AGMO: variants seen among roughly 807,000 people sequenced by gnomAD.
The protein encoded by AGMO is glyceryl-ether monooxygenase.
Under a neutral mutation model 60.2 loss-of-function variants are expected in AGMO, and 75 were observed. That is an observed-to-expected ratio of 1.25 (90% CI 1.03 to 1.51). The LOEUF is 1.51. Ranked by LOEUF, AGMO falls within the 40% of genes most tolerant of loss-of-function variation. The pLI, the probability that AGMO is intolerant of heterozygous loss-of-function variation, is 0.00. For missense variants in AGMO, 763 were observed against 525.5 expected (o/e 1.45, Z -4.42); for synonymous variants, 261 against 177.1 (o/e 1.47, Z -3.76).
At position 15,220,208 on chromosome 7, in the gene AGMO, CTTTT is replaced by C. The variant is rs904364065; in HGVS notation, c.1264-18853_1264-18850del. 2.1e-3 allele frequency among the ~76,000 whole-genome samples: 233 copies of C among 109,510 alleles called. 4 individuals carry two copies. In the East Asian group the frequency reaches 0.047, roughly 22 times the overall value. The allele number at this position is 109,510 out of a possible 152,430, so 71.8% of individuals were successfully genotyped here. The stretch of plus-strand genomic sequence containing the variant: ...ATCTTATGTGTCCACCTGACTGTGC[CTTTT>C]TTTTTTTTTTTTTTTTTTTCCTGGA... On this transcript the variant is annotated intron_variant, in intron 12 of 12. Coordinates refer to ENST00000342526, the MANE Select transcript of AGMO (RefSeq NM_001004320.2).
intron 4 of AGMO, among the ~76,000 whole-genome samples, chr7:15,419,310 G>T (rs1481802393): frequency 6.6e-6 from 1 of 151,928 alleles, no homozygotes; most frequent in Non-Finnish European, 1.5e-5. Flanking sequence ...CACAGAACTG[G>T]TTAGAATTAA....
At chr7:15,321,459 T>C (rs974316865) in intron 12 of AGMO, among the ~76,000 whole-genome samples, 2 of 152,102 alleles carry the variant, frequency 1.3e-5, no homozygotes, top group Non-Finnish European at 2.9e-5. Context: ...CACCTTCAAA[T>C]AAGAACAGAT....
the AGMO span, among the ~76,000 whole-genome samples, chr7:15,195,313 A>G: frequency 2.0e-5 from 3 of 152,146 alleles, no homozygotes; most frequent in African/African-American, 7.2e-5. Context: ...AAGAGAAAAG[A>G]GAATAGCTTT....
intron 12 of AGMO, among the ~76,000 whole-genome samples, chr7:15,324,033 T>C (rs771155741): frequency 6.6e-6 from 1 of 152,186 alleles, no homozygotes; most frequent in Non-Finnish European, 1.5e-5. Context: ...TTTATGTAAT[T>C]GTTCTATATA....
At chr7:15,357,550 A>G (rs79077402) in intron 12 of AGMO, among the ~76,000 whole-genome samples, 5,568 of 152,262 alleles carry the variant, frequency 0.037, 127 homozygotes, top group South Asian at 0.067. Context: ...CTGGTCTGAT[A>G]ATTTGTTTGA....
chr7:15,144,456 A>G, the AGMO span, among the ~76,000 whole-genome samples: 1 of 152,236 alleles, frequency 6.6e-6, no homozygotes, highest in Admixed American at 6.5e-5. Context: ...GTTACCCAGA[A>G]AAGTATAAGA....
At chr7:15,381,831 C>G (rs1039740565) in intron 10 of AGMO, among the ~76,000 whole-genome samples, 3 of 152,160 alleles carry the variant, frequency 2.0e-5, no homozygotes, top group Non-Finnish European at 2.9e-5. Context: ...CCATGGAATA[C>G]TATGCAGCCA....
chr7:15,466,109 A>G (rs1382632024), intron 3 of AGMO, among the ~76,000 whole-genome samples: 1 of 152,178 alleles, frequency 6.6e-6, no homozygotes, highest in Non-Finnish European at 1.5e-5. Flanking sequence ...CCTACTCTCT[A>G]GCCACTGAGC....
At chr7:15,534,955 T>G (rs1406684328) in intron 3 of AGMO, among the ~76,000 whole-genome samples, 1 of 151,926 alleles carries the variant, frequency 6.6e-6, no homozygotes, top group Non-Finnish European at 1.5e-5. Flanking sequence ...TATGAATTCA[T>G]AACTTTTTTA....
intron 12 of AGMO, among the ~76,000 whole-genome samples, chr7:15,210,610 GTAAC>G (rs1781562050): frequency 6.6e-6 from 1 of 152,066 alleles, no homozygotes; most frequent in African/African-American, 2.4e-5. Flanking sequence ...ATATTACTAG[GTAAC>G]TAACTGTTCA....
chr7:15,336,502 T>C (rs759224514), intron 12 of AGMO, among the ~76,000 whole-genome samples: 13 of 152,136 alleles, frequency 8.5e-5, no homozygotes, highest in Admixed American at 2.0e-4. Context: ...TCAATCTTAC[T>C]AATTCATGTA....
chr7:15,427,240 T>C (rs1781091368), intron 4 of AGMO, among the ~76,000 whole-genome samples: 1 of 152,192 alleles, frequency 6.6e-6, no homozygotes, highest in South Asian at 2.1e-4. Context: ...TGGCTCTGAG[T>C]ATAAGCACGT....
At chr7:15,170,247 C>A in the AGMO span, among the ~76,000 whole-genome samples, 1 of 152,158 alleles carries the variant, frequency 6.6e-6, no homozygotes, top group African/African-American at 2.4e-5. Flanking sequence ...AGAGTATCGA[C>A]CTTACCTCTG....
the AGMO span, among the ~76,000 whole-genome samples, chr7:15,168,942 C>A: frequency 6.6e-6 from 1 of 152,182 alleles, no homozygotes; most frequent in African/African-American, 2.4e-5. Context: ...TTAGAATGAA[C>A]AATGGAACTT....
intron 3 of AGMO, among the ~76,000 whole-genome samples, chr7:15,443,593 C>T (rs1781622445): frequency 6.6e-6 from 1 of 152,142 alleles, no homozygotes; most frequent in Non-Finnish European, 1.5e-5. Flanking sequence ...ACACCATTAA[C>T]AGGTATTCAG....
chr7:15,234,399 C>T (rs1166323571), intron 12 of AGMO, among the ~76,000 whole-genome samples: 1 of 152,164 alleles, frequency 6.6e-6, no homozygotes, highest in Non-Finnish European at 1.5e-5. Context: ...ATCTTGACTC[C>T]TTTATCTGCT....
rs1477156401 is a variant in AGMO at position 15,238,699 on chromosome 7, C to T, written c.1264-37340G>A. Among the ~76,000 whole-genome samples the T allele has an allele frequency of 2.0e-5, 3 of 151,512 alleles. No individual in the cohort carries two copies. In the South Asian group the frequency reaches 6.2e-4, roughly 31 times the overall value. On this transcript the variant is annotated intron_variant, in intron 12 of 12. Transcript: ENST00000342526. The stretch of plus-strand genomic sequence containing the variant: ...TGGAAAATGAAGGAAATTCTAAGGC[C>T]AATGTTCAGAGAAATGGAGAAAGTA...
chr7:15,280,417 C>T (rs1309435614), intron 12 of AGMO, among the ~76,000 whole-genome samples: 3 of 152,200 alleles, frequency 2.0e-5, no homozygotes, highest in Admixed American at 1.3e-4. Context: ...GAACTGCCCC[C>T]TCACACCACA....
chr7:15,120,912 G>A, the AGMO span, among the ~76,000 whole-genome samples: 45 of 152,004 alleles, frequency 3.0e-4, no homozygotes, highest in African/African-American at 9.9e-4. Flanking sequence ...CTATCAACCC[G>A]TCTTCCAGGT....
Sources: gnomAD v4.1 joint callset for allele counts (sites outside exome capture counted in the v4.1 genomes callset) on GRCh38, gnomAD v4.1.1 for gene constraint, MANE v1.5 for transcripts, NCBI Gene and HGNC (gene_info 2026-07-23, HGNC 2026-07-21) for gene names.